HMGXB3: variants seen among roughly 807,000 people sequenced by gnomAD.
The protein encoded by HMGXB3 is HMG domain-containing protein 3.
HMGXB3 carries 45 observed loss-of-function variants against 121.5 expected under a neutral mutation model. The ratio of observed to expected loss-of-function variants is 0.37; its 90% CI spans 0.29 to 0.47. HMGXB3 has a LOEUF of 0.47. Among genes scored for constraint, HMGXB3 ranks in the 20% least tolerant of loss-of-function variants. HMGXB3 has a pLI of 0.99. For missense variants in HMGXB3, 1,376 were observed against 1,602.2 expected (o/e 0.86, Z 2.41); for synonymous variants, 590 against 624.1 (o/e 0.95, Z 0.81).
intron 15 of HMGXB3, among the ~76,000 whole-genome samples, chr5:150,042,391 C>T (rs1026842758): frequency 1.3e-5 from 2 of 152,070 alleles, no homozygotes; most frequent in Non-Finnish European, 2.9e-5. Context: ...AGAGAGAGAA[C>T]AGTGTCATGG....
At chr5:150,051,628 C>A in intron 19 of HMGXB3, 97 bp from the exon 20 acceptor site, 1 of 995,296 alleles carries the variant, frequency 1.0e-6, no homozygotes, top group Non-Finnish European at 1.4e-6. Context: ...TGTTAGGATT[C>A]AAAGAGGGCT....
rs970006702 is a variant in HMGXB3 at position 150,041,239 on chromosome 5, G to A, written c.2545+360G>A. ...GGCTCATGCCAAGACCTAAGAGTGA[G>A]GACCATCCTTTCTGTCTAGAATATT... On this transcript the variant is annotated intron_variant, in intron 14 of 19. Coordinates refer to ENST00000502717, the MANE Select transcript of HMGXB3 (RefSeq NM_014983.3). Among the ~76,000 whole-genome samples, 5 of 152,176 alleles carry A rather than the reference G, an allele frequency of 3.3e-5. No homozygotes were observed. The South Asian group carries it at 8.3e-4, about 25-fold the overall frequency.
rs1371031527 is a variant in HMGXB3 at position 150,030,785 on chromosome 5, G to A, written c.1779G>A (p.Val593=). Residue 593 remains valine (V), a synonymous_variant, in exon 10 of 20, where the codon GTG becomes GTA. Coordinates refer to ENST00000502717, the MANE Select transcript of HMGXB3 (RefSeq NM_014983.3). Reference sequence around the variant, plus strand: ...ACAGGACTTCTCAGGTGAAAGTTGTGGAGGTCAAGCCCGATATGTTTCCTC... The same window carrying A: ...ACAGGACTTCTCAGGTGAAAGTTGTAGAGGTCAAGCCCGATATGTTTCCTC... ...PSNRTSQVKV[V]EVKPDMFPPY... is the part of the protein sequence containing the mutation. 1.3e-6 allele frequency: 2 copies of A among 1,552,220 alleles called. No individual in the cohort carries two copies. Among genetic ancestry groups the A allele is most frequent in the Non-Finnish European group, 1.7e-6 (2 of 1,147,066 alleles).
rs1755545815 is a variant in HMGXB3 at position 150,000,949 on chromosome 5, T to C, written c.-233T>C. On this transcript the variant is annotated 5_prime_UTR_variant, in exon 1 of 20. Transcript: ENST00000502717. Reference sequence around the variant, plus strand: ...TCCGAGGAGGGGAAGCGAGAGGGGCTGTCGCGACTCCGCGCCGTGTGTCGC... The same window carrying C: ...TCCGAGGAGGGGAAGCGAGAGGGGCCGTCGCGACTCCGCGCCGTGTGTCGC... 6.5e-6 allele frequency: 1 copy of C among 154,684 alleles called. No homozygotes were observed. The highest frequency in any genetic ancestry group is 2.4e-5 in the African/African-American group (1 of 41,490). 9.6% of individuals were successfully genotyped at this position (154,684 alleles called of 1,614,324 possible). A position where few individuals can be genotyped will look rare whatever the true frequency, so the allele number is the denominator to read the frequency against.
Position 150,051,837 on chromosome 5 carries a change from C to T in HMGXB3, c.3524C>T (p.Ala1175Val). Residue 1175 changes from alanine to valine, a missense_variant, in exon 20 of 20, where the codon GCA becomes GTA. Ala to Val is a moderately conservative substitution (Grantham distance 64). Around this residue, in one of 2 missense-constraint regions of HMGXB3, gnomAD observed 260 missense variants for 233.2 expected, o/e 1.11. Coordinates refer to ENST00000502717, the MANE Select transcript of HMGXB3 (RefSeq NM_014983.3). ...ACTGCCACGCGGCGCATCGTCCATG[C>T]AGGCCTACAGCCCAATCCTGGTGAC... ...TKTATRRIVH[A>V]GLQPNPGDPS... 3 of 1,550,304 alleles carry T rather than the reference C, an allele frequency of 1.9e-6. No individual in the cohort carries two copies. The highest frequency in any genetic ancestry group is 1.7e-6 in the Non-Finnish European group (2 of 1,147,090).
chr5:150,052,170 A>T lies in HMGXB3; in HGVS notation c.3857A>T (p.Glu1286Val), dbSNP rs1756928186. 4 of 1,546,188 alleles carry T rather than the reference A, an allele frequency of 2.6e-6. No individual in the cohort carries two copies. Among genetic ancestry groups the T allele is most frequent in the Admixed American group, 3.9e-5 (2 of 50,928 alleles). Residue 1286 changes from glutamate (E) to valine (V), a missense_variant, in exon 20 of 20, where the codon GAG (glutamate) becomes GTG (valine). Glu to Val is a moderately radical substitution (Grantham distance 121). Around this residue, in one of 2 missense-constraint regions of HMGXB3, gnomAD observed 260 missense variants for 233.2 expected, o/e 1.11. Transcript: ENST00000502717. ...ACAGAGGAGGAGGGTGAGGAAGAGG[A>T]GGTGGCCGCAGTGGCAGAATAAGCC... Reference protein sequence around the residue: ...TETEEEGEEEEVAAVAE With the variant: ...TETEEEGEEEVVAAVAE
At chr5:150,045,382 G>C in intron 15 of HMGXB3, 84 bp from the exon 16 acceptor site, 1 of 1,160,760 alleles carries the variant, frequency 8.6e-7, no homozygotes, top group South Asian at 1.4e-5. Flanking sequence ...TGGCTTCCCT[G>C]TGTGTATAAT....
intron 6 of HMGXB3, 48 bp from the exon 7 acceptor site, chr5:150,024,214 A>G: frequency 7.3e-7 from 1 of 1,375,626 alleles, no homozygotes; most frequent in Non-Finnish European, 9.7e-7. Flanking sequence ...TGTGAATGTC[A>G]TCAACTGTAA....
rs144660886 is a variant in HMGXB3 at position 150,034,044 on chromosome 5, G to A, written c.1983+1441G>A. Among the ~76,000 whole-genome samples, 257 of 152,236 alleles carry A rather than the reference G, an allele frequency of 1.7e-3. No homozygotes were observed. In the Middle Eastern group the frequency reaches 0.024, roughly 14 times the overall value. On this transcript the variant is annotated intron_variant, in intron 11 of 19. Transcript: ENST00000502717. ...GGTGGGCAAGGTAGATTAGATCTGG[G>A]CATTTTACTCTTAAGAGACAGGAGC...
rs1013967434 is a variant in HMGXB3, at chr5:150,036,623, A to T, written c.1984-13A>T. ...GCTCTGAGTGCTTGGTGATCAATCC[A>T]CTCTCTTCCCAGGAGGTGAGCTCAC... On this transcript the variant is annotated splice_polypyrimidine_tract_variant and intron_variant, in intron 11 of 19. Transcript: ENST00000502717. The T allele has an allele frequency of 3.8e-5, 58 of 1,525,778 alleles. No individual in the cohort carries two copies. In the Admixed American group the frequency reaches 1.2e-3, roughly 31 times the overall value. The allele number at this position is 1,525,778 out of a possible 1,614,324, so 94.5% of individuals were successfully genotyped here.
chr5:150,011,466 C>T (rs1755835784), intron 4 of HMGXB3, among the ~76,000 whole-genome samples: 1 of 152,162 alleles, frequency 6.6e-6, no homozygotes, highest in African/African-American at 2.4e-5. Context: ...TGCTGTAGCC[C>T]TTATGGCCTG....
At chr5:150,026,587 C>T in intron 7 of HMGXB3, 119 bp from the exon 8 acceptor site, 1 of 834,816 alleles carries the variant, frequency 1.2e-6, no homozygotes, top group Non-Finnish European at 1.9e-6. Flanking sequence ...CTCAATCTGT[C>T]TAAAGCTTGA....
At chr5:150,013,277 G>A (rs1212608632) in intron 5 of HMGXB3, among the ~76,000 whole-genome samples, 1 of 152,104 alleles carries the variant, frequency 6.6e-6, no homozygotes, top group Non-Finnish European at 1.5e-5. Flanking sequence ...TTTTCTGAAA[G>A]CTTTTATCAG....
intron 14 of HMGXB3, 83 bp downstream of exon 14, chr5:150,040,962 C>T (rs1215315272): frequency 7.9e-7 from 1 of 1,262,284 alleles, no homozygotes. Flanking sequence ...TTAAAAGACT[C>T]ATTTTGAAGA....
intron 3 of HMGXB3, among the ~76,000 whole-genome samples, chr5:150,009,769 C>G (rs898755286): frequency 1.3e-5 from 2 of 152,146 alleles, no homozygotes; most frequent in Non-Finnish European, 2.9e-5. Context: ...CAGCTGAGGC[C>G]TCAGGAGGGG....
At position 150,052,503 on chromosome 5, in the gene HMGXB3, C is replaced by CT; in HGVS notation, c.*311_*312insT. 1 of 354,720 alleles carries CT rather than the reference C, an allele frequency of 2.8e-6. No individual in the cohort carries two copies. 22.0% of individuals were successfully genotyped at this position (354,720 alleles called of 1,614,324 possible). ...TAGCTGGTGGGTTCCGTGGGGCCTGCGGTGTGGGTCAGGGTGGAGGTCCTG... is the reference window on the plus strand; with the variant it reads ...TAGCTGGTGGGTTCCGTGGGGCCTGCTGGTGTGGGTCAGGGTGGAGGTCCTG... On this transcript the variant is annotated 3_prime_UTR_variant, in exon 20 of 20. Coordinates refer to ENST00000502717, the MANE Select transcript of HMGXB3 (RefSeq NM_014983.3).
Position 150,050,978 on chromosome 5 carries a change from G to C in HMGXB3, c.3411+517G>C, listed in dbSNP as rs1756874369. Among the ~76,000 whole-genome samples the C allele has an allele frequency of 2.0e-5, 3 of 152,054 alleles. No individual in the cohort carries two copies. The South Asian group carries it at 6.2e-4, about 32-fold the overall frequency. On this transcript the variant is annotated intron_variant, in intron 19 of 19. Coordinates refer to ENST00000502717, the MANE Select transcript of HMGXB3 (RefSeq NM_014983.3). The stretch of plus-strand genomic sequence containing the variant: ...GCCCTGGATTAGTTTAATTCACCAT[G>C]TCTTACATTTAGTTGACCATGGATA...
At chr5:150,016,847 CT>C (rs1487495204) in intron 5 of HMGXB3, among the ~76,000 whole-genome samples, 3 of 152,156 alleles carry the variant, frequency 2.0e-5, no homozygotes, top group African/African-American at 7.2e-5. Context: ...GATCTGCTTT[CT>C]TTTATTGGCT....
At chr5:150,032,940 G>C (rs116941982) in intron 11 of HMGXB3, among the ~76,000 whole-genome samples, 1 of 152,208 alleles carries the variant, frequency 6.6e-6, no homozygotes, top group Non-Finnish European at 1.5e-5. Context: ...TACAAGACCT[G>C]TAAGTTGATT....
Sources: gnomAD v4.1 joint callset for allele counts (sites outside exome capture counted in the v4.1 genomes callset) on GRCh38, gnomAD v4.1.1 for gene constraint, gnomAD v4.1.1 regional missense constraint, MANE v1.5 for transcripts, NCBI Gene and HGNC (gene_info 2026-07-23, HGNC 2026-07-21) for gene names.